The following MEX3C variants were observed in gnomAD, a reference collection of about 807,000 sequenced individuals.
MEX3C encodes mex-3 RNA binding family member C.
In MEX3C, 15 loss-of-function variants were observed where a neutral mutation model predicts 35.5. That is an observed-to-expected ratio of 0.42 (90% CI 0.28 to 0.65). The LOEUF (loss-of-function observed/expected upper bound fraction) is 0.65, where lower values mean the gene tolerates loss of function less well. Among genes scored for constraint, MEX3C ranks in the 30% least tolerant of loss-of-function variants. The pLI, the probability that MEX3C is intolerant of heterozygous loss-of-function variation, is 0.20. For synonymous variants in MEX3C, 390 were observed against 352.8 expected (o/e 1.11, Z -1.18); for missense variants, 711 against 842.8 (o/e 0.84, Z 1.94).
intron 1 of MEX3C, among the ~76,000 whole-genome samples, chr18:51,185,210 T>A (rs916150008): frequency 1.3e-5 from 2 of 152,220 alleles, no homozygotes; most frequent in Admixed American, 1.3e-4. Flanking sequence ...TTGGCAGAAT[T>A]TGATTGCTTG....
intron 1 of MEX3C, chr18:51,196,257 C>T (rs1377464342): frequency 2.1e-6 from 1 of 479,800 alleles, no homozygotes; most frequent in Non-Finnish European, 3.5e-6. Context: ...CCTTTTACCA[C>T]CTCACTGAGG....
At position 51,196,884 on chromosome 18, in the gene MEX3C, G is replaced by A. The variant is rs1912811453; in HGVS notation, c.437C>T (p.Pro146Leu). 4 of 1,540,570 alleles carry A rather than the reference G, an allele frequency of 2.6e-6. No homozygotes were observed. Among genetic ancestry groups the A allele is most frequent in the Admixed American group, 2.0e-5 (1 of 50,876 alleles). ...EDRSSLLLLS[P>L]PAATASQTQQ... ...GGTCTGAGAGGCGGTGGCCGCGGGC[G>A]GCGACAGCAGCAGCAGCGACGACCG... is the stretch of plus-strand genomic sequence containing the variant. Residue 146 changes from proline (P) to leucine (L), a missense_variant, in exon 1 of 2, where the codon CCG becomes CTG. Around this residue, in one of 4 missense-constraint regions of MEX3C, gnomAD observed 354 missense variants for 311.6 expected, o/e 1.14. Coordinates refer to ENST00000406189, the MANE Select transcript of MEX3C (RefSeq NM_016626.5).
Position 51,197,027 on chromosome 18 carries a change from G to A in MEX3C, c.294C>T (p.Pro98=). 1 of 1,518,000 alleles carries A rather than the reference G, an allele frequency of 6.6e-7. No individual in the cohort carries two copies. The highest frequency in any genetic ancestry group is 8.8e-7 in the Non-Finnish European group (1 of 1,138,576). 94.0% of individuals were successfully genotyped at this position (1,518,000 alleles called of 1,614,324 possible). ...SPEERAPPGR[P]GAPEAAELEL... ...CCAGCTCGGCCGCCTCCGGGGCCCC[G>A]GGCCGGCCGGGCGGAGCCCGCTCCT... The change falls in exon 1 of 2, where the codon CCC becomes CCT. Residue 98 remains proline, a synonymous_variant. Transcript: ENST00000406189.
intron 1 of MEX3C, among the ~76,000 whole-genome samples, chr18:51,189,372 A>C (rs961881221): frequency 6.6e-6 from 1 of 152,150 alleles, no homozygotes; most frequent in African/African-American, 2.4e-5. Context: ...CATGAGGAAA[A>C]CCGAAGCCTA....
chr18:51,183,035 AGT>A (rs1421842916), intron 1 of MEX3C, among the ~76,000 whole-genome samples: 1 of 152,170 alleles, frequency 6.6e-6, no homozygotes, highest in Non-Finnish European at 1.5e-5. Context: ...AAAAGGAGGG[AGT>A]GTGGCATTAT....
At chr18:51,182,695 T>C (rs940283199) in intron 1 of MEX3C, among the ~76,000 whole-genome samples, 2 of 152,178 alleles carry the variant, frequency 1.3e-5, no homozygotes, top group African/African-American at 4.8e-5. Flanking sequence ...AAAGAGAGCT[T>C]TTCCTAGCCT....
chr18:51,190,528 T>G (rs1317762145), intron 1 of MEX3C, among the ~76,000 whole-genome samples: 1 of 152,238 alleles, frequency 6.6e-6, no homozygotes, highest in Non-Finnish European at 1.5e-5. Context: ...AGGCTTAGTC[T>G]TATTATTCCA....
chr18:51,179,717 A>C (rs977339640), intron 1 of MEX3C, among the ~76,000 whole-genome samples: 1 of 152,236 alleles, frequency 6.6e-6, no homozygotes, highest in African/African-American at 2.4e-5. Context: ...TTCCACATCT[A>C]CGTATCATTT....
chr18:51,193,526 T>C (rs1291201470), intron 1 of MEX3C: 1 of 152,218 alleles, frequency 6.6e-6, no homozygotes, highest in Non-Finnish European at 1.5e-5. Context: ...GCAGGTACTA[T>C]ACTTAAAAAC....
At position 51,176,903 on chromosome 18, in the gene MEX3C, T is replaced by A; in HGVS notation, c.1428A>T (p.Gly476=). The change falls in exon 2 of 2, where the codon GGA becomes GGT. Residue 476 remains glycine, a synonymous_variant. Transcript: ENST00000406189. The stretch of plus-strand genomic sequence containing the variant: ...GTAGTGTATCTCCAAACCAGAAGTT[T>A]CCTGTGCTAAATGGGCTTGTTGGAC... The part of the protein sequence containing the change: ...DFSPTSPFST[G]NFWFGDTLPS... The A allele has an allele frequency of 3.1e-6, 5 of 1,614,040 alleles. No homozygotes were observed. Among genetic ancestry groups the A allele is most frequent in the Non-Finnish European group, 4.2e-6 (5 of 1,179,904 alleles).
chr18:51,187,322 A>G (rs950007688), intron 1 of MEX3C, among the ~76,000 whole-genome samples: 2 of 152,206 alleles, frequency 1.3e-5, no homozygotes, highest in South Asian at 4.1e-4. Flanking sequence ...GGCACAACTC[A>G]TTATTATAGC....
rs370771705 is a variant in MEX3C at position 51,176,612 on chromosome 18, A to G, written c.1719T>C (p.Leu573=). ...TAGAAAAAGCAGGGATATATATTGGAAGGCCAACATGGTTGCCTGTACTAG... is the reference window on the plus strand; with the variant it reads ...TAGAAAAAGCAGGGATATATATTGGGAGGCCAACATGGTTGCCTGTACTAG... ...DPPSTGNHVG[L]PIYIPAFSNG... Residue 573 remains leucine (L), a synonymous_variant, in exon 2 of 2, where the codon CTT becomes CTC. Coordinates refer to ENST00000406189, the MANE Select transcript of MEX3C (RefSeq NM_016626.5). The G allele has an allele frequency of 3.1e-6, 5 of 1,613,874 alleles. No homozygotes were observed. The African/African-American group carries it at 6.7e-5, about 22-fold the overall frequency.
In MEX3C at chr18:51,196,695, C is replaced by A; in HGVS notation, c.626G>T (p.Gly209Val). The A allele has an allele frequency of 6.5e-7, 1 of 1,541,546 alleles. No homozygotes were observed. The highest frequency in any genetic ancestry group is 8.7e-7 in the Non-Finnish European group (1 of 1,148,800). ...AMLSHAYGPG[G>V]CGAAAAALNG... The stretch of plus-strand genomic sequence containing the variant: ...CAGGGCGGCCGCCGCCGCCCCACAA[C>A]CGCCGGGGCCGTAGGCGTGGGACAG... The change falls in exon 1 of 2, where the codon GGT (glycine) becomes GTT (valine). Residue 209 changes from glycine to valine, a missense_variant. Physicochemically the swap from Gly to Val is moderately radical, Grantham distance 109. This residue lies in a region of MEX3C where 354 missense variants were observed against 311.6 expected (regional missense o/e 1.14). Transcript: ENST00000406189.
chr18:51,175,733 C>G lies in MEX3C; in HGVS notation c.*618G>C, dbSNP rs142587622. 2 of 152,536 alleles carry G rather than the reference C, an allele frequency of 1.3e-5. No individual in the cohort carries two copies. Among genetic ancestry groups the G allele is most frequent in the East Asian group, 3.9e-4 (2 of 5,176 alleles). 9.4% of individuals were successfully genotyped at this position (152,536 alleles called of 1,614,324 possible). The stretch of plus-strand genomic sequence containing the variant: ...TCATACCAGCCTTGAGCACTCTGGG[C>G]GAGATGAAAGTTGATGTAGCAGTTT... On this transcript the variant is annotated 3_prime_UTR_variant, in exon 2 of 2. Transcript: ENST00000406189.
intron 1 of MEX3C, among the ~76,000 whole-genome samples, chr18:51,183,663 G>C (rs955362402): frequency 1.1e-4 from 16 of 152,168 alleles, no homozygotes; most frequent in African/African-American, 3.6e-4. Flanking sequence ...GGGTGGGCCT[G>C]ACCTAATCAT....
At chr18:51,180,641 G>C (rs2144549506) in intron 1 of MEX3C, among the ~76,000 whole-genome samples, 1 of 152,050 alleles carries the variant, frequency 6.6e-6, no homozygotes, top group African/African-American at 2.4e-5. Context: ...CCACACCCGG[G>C]TAATTTTTAA....
In MEX3C at chr18:51,196,934, C is replaced by T; in HGVS notation, c.387G>A (p.Glu129=). The change falls in exon 1 of 2, where the codon GAG becomes GAA. Residue 129 remains glutamate, a synonymous_variant. Transcript: ENST00000406189. ...GGTCCTCCTCCTCTGCTTCCTCCAG[C>T]TCCTCCTCCTCCAGCAGGTCTCCGT... ...ELDGDLLEEE[E]LEEAEEEDRS... 6.5e-7 allele frequency: 1 copy of T among 1,543,506 alleles called. No homozygotes were observed.
chr18:51,183,855 C>T (rs1912479150), intron 1 of MEX3C, among the ~76,000 whole-genome samples: 2 of 152,086 alleles, frequency 1.3e-5, no homozygotes, highest in Admixed American at 1.3e-4. Flanking sequence ...AAAAATTAGC[C>T]ATGTATGGTG....
chr18:51,188,255 C>G (rs527684900), intron 1 of MEX3C, among the ~76,000 whole-genome samples: 1 of 152,142 alleles, frequency 6.6e-6, no homozygotes, highest in African/African-American at 2.4e-5. Context: ...GTAGCATCTA[C>G]TGTACTTCAA....
Sources: allele counts gnomAD v4.1 joint callset (sites outside exome capture counted in the v4.1 genomes callset), GRCh38; gene constraint gnomAD v4.1.1; regional missense constraint gnomAD v4.1.1; transcripts MANE v1.5; gene names NCBI Gene and HGNC (gene_info 2026-07-23, HGNC 2026-07-21).